BLTP1: variants seen among roughly 807,000 people sequenced by gnomAD.
BLTP1 encodes the protein fragile site-associated protein.
the BLTP1 span, among the ~76,000 whole-genome samples, chr4:122,245,312 G>A: frequency 2.0e-5 from 3 of 152,122 alleles, no homozygotes; most frequent in African/African-American, 7.2e-5. Context: ...CTGTACTATA[G>A]ATGGAATAGT....
the BLTP1 span, among the ~76,000 whole-genome samples, chr4:122,357,651 T>A: frequency 6.6e-6 from 1 of 151,938 alleles, no homozygotes; most frequent in African/African-American, 2.4e-5. Context: ...TTTAAAAGAA[T>A]GAGGTAGTTT....
At chr4:122,166,099 T>C in the BLTP1 span, among the ~76,000 whole-genome samples, 1 of 152,196 alleles carries the variant, frequency 6.6e-6, no homozygotes, top group Non-Finnish European at 1.5e-5. Context: ...TTGTCAATTT[T>C]GGCTTTTGTT....
chr4:122,213,115 C>T, the BLTP1 span, among the ~76,000 whole-genome samples: 1 of 152,140 alleles, frequency 6.6e-6, no homozygotes, highest in Admixed American at 6.5e-5. Context: ...TCTTTGTAAT[C>T]TGGAACTCCA....
At chr4:122,247,234 A>G in the BLTP1 span, 26 of 1,613,460 alleles carry the variant, frequency 1.6e-5, no homozygotes, top group Middle Eastern at 1.6e-4. Flanking sequence ...TCATGCCACA[A>G]AGATGCAGCC....
chr4:122,243,999 A>G, the BLTP1 span: 2 of 1,602,708 alleles, frequency 1.2e-6, no homozygotes, highest in South Asian at 1.1e-5. Flanking sequence ...TATTGTTTTG[A>G]CTCCCCTGGT....
At chr4:122,173,159 T>C in the BLTP1 span, 23 of 1,605,988 alleles carry the variant, frequency 1.4e-5, no homozygotes, top group Non-Finnish European at 1.9e-5. Flanking sequence ...ATTGGTGAGT[T>C]TGAGTTAACA....
At chr4:122,350,275 T>C in the BLTP1 span, 1 of 985,298 alleles carries the variant, frequency 1.0e-6, no homozygotes, top group Admixed American at 6.2e-5. Context: ...TCATTTGTTA[T>C]CTCTTCCCCC....
At chr4:122,244,453 T>C in the BLTP1 span, 3 of 166,568 alleles carry the variant, frequency 1.8e-5, no homozygotes, top group African/African-American at 7.2e-5. Context: ...CTTGGTTAAA[T>C]GTGTGGATTT....
chr4:122,154,658 G>A, the BLTP1 span, among the ~76,000 whole-genome samples: 2 of 152,146 alleles, frequency 1.3e-5, no homozygotes, highest in Admixed American at 6.5e-5. Flanking sequence ...CGGATCACAA[G>A]GTCAGGAGAT....
chr4:122,160,775 C>A, the BLTP1 span, among the ~76,000 whole-genome samples: 2 of 152,110 alleles, frequency 1.3e-5, no homozygotes, highest in Non-Finnish European at 2.9e-5. Context: ...TCTGTTCAGG[C>A]AGATCTTTTG....
the BLTP1 span, among the ~76,000 whole-genome samples, chr4:122,252,098 T>C: frequency 6.6e-6 from 1 of 152,114 alleles, no homozygotes; most frequent in Non-Finnish European, 1.5e-5. Flanking sequence ...CCTGGCAGGA[T>C]CAATCACCTG....
the BLTP1 span, chr4:122,354,144 T>G: frequency 1.3e-6 from 1 of 798,498 alleles, no homozygotes; most frequent in Admixed American, 2.7e-5. Context: ...TTAATCTTGC[T>G]GGCTGACACA....
the BLTP1 span, chr4:122,173,326 A>G: frequency 4.6e-6 from 1 of 216,662 alleles, no homozygotes; most frequent in Non-Finnish European, 7.9e-6. Flanking sequence ...TGCATCTGGT[A>G]AGGACCTTTT....
the BLTP1 span, chr4:122,356,975 C>T: frequency 4.1e-6 from 4 of 982,390 alleles, no homozygotes; most frequent in Non-Finnish European, 4.8e-6. Context: ...TTTCTGTATA[C>T]ATTATCTTAT....
chr4:122,235,439 A>G, the BLTP1 span: 4 of 971,280 alleles, frequency 4.1e-6, no homozygotes, highest in Non-Finnish European at 2.4e-6. Flanking sequence ...CATGTTACCA[A>G]TTATATTTGC....
chr4:122,295,361 G>A, the BLTP1 span, among the ~76,000 whole-genome samples: 1 of 152,040 alleles, frequency 6.6e-6, no homozygotes, highest in Non-Finnish European at 1.5e-5. Context: ...GGCAGCCAGC[G>A]AGAAAGGCCA....
the BLTP1 span, chr4:122,182,901 T>G: frequency 2.0e-6 from 2 of 985,038 alleles, no homozygotes; most frequent in East Asian, 2.3e-4. Context: ...TGTTAAAGAT[T>G]TTTATCAAAA....
At chr4:122,276,859 C>T in the BLTP1 span, 13 of 980,156 alleles carry the variant, frequency 1.3e-5, no homozygotes, top group East Asian at 3.4e-4. Context: ...ACAATCAAGA[C>T]CTCTGATAGA....
the BLTP1 span, among the ~76,000 whole-genome samples, chr4:122,239,098 A>G: frequency 1.1e-4 from 16 of 152,310 alleles, no homozygotes; most frequent in Non-Finnish European, 1.9e-4. Flanking sequence ...AAATGGCACT[A>G]CTACATCAGT....
Sources: allele counts gnomAD v4.1 joint callset (sites outside exome capture counted in the v4.1 genomes callset), GRCh38; gene constraint gnomAD v4.1.1; transcripts MANE v1.5; gene names NCBI Gene and HGNC (gene_info 2026-07-23, HGNC 2026-07-21).